The following RTCA variants were observed in gnomAD, a reference collection of about 807,000 sequenced individuals.
RTCA encodes RNA terminal phosphate cyclase domain 1.
RTCA carries 37 observed loss-of-function variants against 46.1 expected under a neutral mutation model. That is an observed-to-expected ratio of 0.80 (90% CI 0.62 to 1.06). RTCA has a LOEUF of 1.06. Ranked by LOEUF, RTCA falls within the 50% of genes least tolerant of loss-of-function variation. The pLI is 0.00. For missense variants in RTCA, 435 were observed against 455.5 expected (o/e 0.95, Z 0.41); for synonymous variants, 164 against 158.3 (o/e 1.04, Z -0.27).
rs11549136 is a variant in RTCA, at chr1:100,266,596, C to T, written c.118C>T (p.Arg40Ter). ...CCTCCCCTTGCGGGTGCAGAAGATC[C>T]GAGCCGGCCGGAGCACGCCAGGCCT... is the stretch of plus-strand genomic sequence containing the variant. ...LGLPLRVQKI[R>*]AGRSTPGLRP... is the part of the protein sequence containing the mutation. The change falls in exon 2 of 11, where the codon CGA becomes TGA. Residue 40 changes from arginine to a stop codon, truncating the protein, a stop_gained. Coordinates refer to ENST00000370128, the MANE Select transcript of RTCA (RefSeq NM_003729.4). LOFTEE classifies it high-confidence loss of function. 1.2e-6 allele frequency: 2 copies of T among 1,613,506 alleles called. No homozygotes were observed. Among genetic ancestry groups the T allele is most frequent in the East Asian group, 2.2e-5 (1 of 44,862 alleles).
rs1557979421 is a variant in RTCA, at chr1:100,283,939, AAAAAAAAAAAGAAAAAAC to A, written c.800-1286_800-1269del. ...CTAGTCGCTAAAAAAAAAAAAGAAA[AAAAAAAAAAAGAAAAAAC>A]AAGAAAAAACAAGAAAAACAAAGAA... On this transcript the variant is annotated intron_variant, in intron 8 of 10. Transcript: ENST00000370128. Among the ~76,000 whole-genome samples the A allele has an allele frequency of 6.8e-3, 971 of 143,716 alleles. 17 individuals carry two copies. Among genetic ancestry groups the A allele is most frequent in the South Asian group, 0.023 (101 of 4,434 alleles). The allele number at this position is 143,716 out of a possible 152,430, so 94.3% of individuals were successfully genotyped here.
chr1:100,287,145 C>T lies in RTCA; in HGVS notation c.941C>T (p.Thr314Ile). ...GCCAATGGAGTTTCCAGAATAAAAA[C>T]AGGACCAGTTACACTCCATACGCAA... ...ALANGVSRIK[T>I]GPVTLHTQTA... Residue 314 changes from threonine to isoleucine, a missense_variant, in exon 10 of 11, where the codon ACA becomes ATA. By Grantham distance (89) the Thr-to-Ile change is moderately conservative. Transcript: ENST00000370128. 1 of 1,590,760 alleles carries T rather than the reference C, an allele frequency of 6.3e-7. No individual in the cohort carries two copies. The highest frequency in any genetic ancestry group is 1.4e-5 in the African/African-American group (1 of 73,474).
Position 100,285,306 on chromosome 1 carries a change from A to G in RTCA, c.878A>G (p.Glu293Gly). 6.2e-7 allele frequency: 1 copy of G among 1,612,822 alleles called. No individual in the cohort carries two copies. Among genetic ancestry groups the G allele is most frequent in the African/African-American group, 1.3e-5 (1 of 75,008 alleles). Residue 293 changes from glutamate to glycine, a missense_variant, in exon 9 of 11, where the codon GAG becomes GGG. By Grantham distance (98) the Glu-to-Gly change is moderately conservative (BLOSUM62 -2). Transcript: ENST00000370128. ...ANLRHGGTVD[E>G]YLQDQLIVFM... ...CTTAGACATGGTGGTACTGTGGATG[A>G]GTATCTGCAAGACCAGGTAATGACA...
intron 8 of RTCA, among the ~76,000 whole-genome samples, chr1:100,283,935 G>GAAAAA (rs763030720): frequency 1.8e-5 from 1 of 55,122 alleles, no homozygotes; most frequent in African/African-American, 4.0e-5. Flanking sequence ...AAAAAAAAAA[G>GAAAAA]AAAAAAAAAA....
intron 8 of RTCA, among the ~76,000 whole-genome samples, chr1:100,279,293 C>G (rs1468156070): frequency 1.3e-5 from 2 of 152,060 alleles, no homozygotes. Flanking sequence ...GGAAACAGAC[C>G]AGTTCTATGA....
At chr1:100,283,433 A>G (rs924136697) in intron 8 of RTCA, among the ~76,000 whole-genome samples, 1 of 152,104 alleles carries the variant, frequency 6.6e-6, no homozygotes, top group Non-Finnish European at 1.5e-5. Flanking sequence ...AAGTGCTGGG[A>G]TTATAGGCAT....
intron 10 of RTCA, among the ~76,000 whole-genome samples, chr1:100,288,754 A>G (rs569393941): frequency 2.3e-4 from 35 of 152,312 alleles, no homozygotes; most frequent in South Asian, 6.2e-4. Flanking sequence ...ATTAATCATT[A>G]CAGAAGTGTC....
At chr1:100,282,123 A>G (rs1007724761) in intron 8 of RTCA, among the ~76,000 whole-genome samples, 9 of 152,098 alleles carry the variant, frequency 5.9e-5, no homozygotes, top group Non-Finnish European at 1.0e-4. Context: ...AGAAATTGAG[A>G]TTTTGCTTTT....
At position 100,278,832 on chromosome 1, in the gene RTCA, A is replaced by C. The variant is rs549453221; in HGVS notation, c.799+1516A>C. Among the ~76,000 whole-genome samples, 3 of 152,364 alleles carry C rather than the reference A, an allele frequency of 2.0e-5. No individual in the cohort carries two copies. In the East Asian group the frequency reaches 5.8e-4, roughly 29 times the overall value. On this transcript the variant is annotated intron_variant, in intron 8 of 10. Coordinates refer to ENST00000370128, the MANE Select transcript of RTCA (RefSeq NM_003729.4). ...GTGCTATTCAAAATGTGGTTGGCAG[A>C]CAGGCAAACTTGTCAGCATCAACTG...
rs1423755427 is a variant in RTCA, at chr1:100,291,918, A to G, written c.*414A>G. 1 of 151,620 alleles carries G rather than the reference A, an allele frequency of 6.6e-6. No individual in the cohort carries two copies. Among genetic ancestry groups the G allele is most frequent in the East Asian group, 1.9e-4 (1 of 5,218 alleles). 9.4% of individuals were successfully genotyped at this position (151,620 alleles called of 1,614,324 possible). ...TGCAAATGTACTTGTTGTGACAACAATAACATTTTCCTTTTTTTTTTTTTT... is the reference window on the plus strand; with the variant it reads ...TGCAAATGTACTTGTTGTGACAACAGTAACATTTTCCTTTTTTTTTTTTTT... On this transcript the variant is annotated 3_prime_UTR_variant, in exon 11 of 11. Coordinates refer to ENST00000370128, the MANE Select transcript of RTCA (RefSeq NM_003729.4).
chr1:100,271,150 A>C (rs930213253), intron 4 of RTCA, among the ~76,000 whole-genome samples: 19 of 151,350 alleles, frequency 1.3e-4, no homozygotes, highest in African/African-American at 4.6e-4. Context: ...AAAAAAAAAA[A>C]CTCAAGTGTA....
At chr1:100,278,479 T>C (rs1666522885) in intron 8 of RTCA, among the ~76,000 whole-genome samples, 1 of 152,184 alleles carries the variant, frequency 6.6e-6, no homozygotes, top group East Asian at 1.9e-4. Flanking sequence ...TCTTTAAAAA[T>C]GCTTACCAAG....
intron 9 of RTCA, among the ~76,000 whole-genome samples, 165 bp from the exon 10 acceptor site, chr1:100,286,934 A>G (rs979030813): frequency 6.6e-6 from 1 of 152,244 alleles, no homozygotes; most frequent in Non-Finnish European, 1.5e-5. Context: ...TTAGGGTAAC[A>G]TAGGTTTTCT....
At chr1:100,273,280 T>C in intron 4 of RTCA, 114 bp from the exon 5 acceptor site, 1 of 608,486 alleles carries the variant, frequency 1.6e-6, no homozygotes, top group Non-Finnish European at 2.9e-6. Flanking sequence ...CTTATAACAC[T>C]GTTTACCTAT....
At chr1:100,266,756 C>G (rs1026472965) in intron 2 of RTCA, 132 bp downstream of exon 2, 18 of 717,978 alleles carry the variant, frequency 2.5e-5, no homozygotes, top group Non-Finnish European at 3.5e-5. Context: ...CGATCCAGGG[C>G]GGGGCACTCT....
chr1:100,288,458 T>G (rs1308233049), intron 10 of RTCA, among the ~76,000 whole-genome samples: 1 of 152,170 alleles, frequency 6.6e-6, no homozygotes, highest in East Asian at 1.9e-4. Flanking sequence ...TTGCCCAGGC[T>G]GGATTGCAGT....
Position 100,274,741 on chromosome 1 carries a change from T to C in RTCA, c.474-83T>C, listed in dbSNP as rs148161673. The C allele has an allele frequency of 6.0e-5, 80 of 1,328,360 alleles. No homozygotes were observed. The East Asian group carries it at 1.8e-3, about 30-fold the overall frequency. 82.3% of individuals were successfully genotyped at this position (1,328,360 alleles called of 1,614,324 possible). On this transcript the variant is annotated intron_variant, in intron 5 of 10. Transcript: ENST00000370128. Reference sequence around the variant, plus strand: ...CCATGGATTACATGTTTGGATATCATTGACATGTCATTTTATTGTAATATA... The same window carrying C: ...CCATGGATTACATGTTTGGATATCACTGACATGTCATTTTATTGTAATATA...
At chr1:100,268,845 A>T (rs766412695) in intron 3 of RTCA, among the ~76,000 whole-genome samples, 2 of 152,096 alleles carry the variant, frequency 1.3e-5, no homozygotes, top group African/African-American at 2.4e-5. Context: ...ACTACTTATG[A>T]ATATGATTGC....
At chr1:100,288,713 G>A (rs1223182396) in intron 10 of RTCA, among the ~76,000 whole-genome samples, 1 of 152,126 alleles carries the variant, frequency 6.6e-6, no homozygotes, top group Non-Finnish European at 1.5e-5. Context: ...ATTTTTTAAA[G>A]TGACAAAAGT....
Sources: allele counts gnomAD v4.1 joint callset (sites outside exome capture counted in the v4.1 genomes callset), GRCh38; gene constraint gnomAD v4.1.1; transcripts MANE v1.5; gene names NCBI Gene and HGNC (gene_info 2026-07-23, HGNC 2026-07-21).